ANXA4: variants seen among roughly 807,000 people sequenced by gnomAD.
ANXA4 encodes the protein 35-beta calcimedin.
In ANXA4, 39 loss-of-function variants were observed where a neutral mutation model predicts 49.8. The observed-to-expected ratio is 0.78, with a 90% CI of 0.61 to 1.02. The LOEUF is 1.02. Ranked by LOEUF, ANXA4 falls within the 50% of genes least tolerant of loss-of-function variation. The probability of loss-of-function intolerance (pLI) is 0.00; values close to 1 mark genes in which losing one functional copy is unlikely to be tolerated. For synonymous variants in ANXA4, 134 were observed against 152.5 expected (o/e 0.88, Z 0.89); for missense variants, 360 against 410.1 (o/e 0.88, Z 1.05).
At chr2:69,652,800 G>A (rs4557002) in intron 1 of ANXA4, among the ~76,000 whole-genome samples, 10,859 of 152,216 alleles carry the variant, frequency 0.071, 1,132 homozygotes, top group East Asian at 0.37. Flanking sequence ...CGGAGGTTGT[G>A]GTGAACCCAG....
chr2:69,756,342 A>G (rs1160444769), intron 1 of ANXA4, among the ~76,000 whole-genome samples: 1 of 152,244 alleles, frequency 6.6e-6, no homozygotes, highest in African/African-American at 2.4e-5. Context: ...GATGAGTCAC[A>G]TAGTCAGCTA....
In ANXA4 at chr2:69,676,178, A is replaced by G. The variant is rs138612367; in HGVS notation, n.766+22896A>G. Among the ~76,000 whole-genome samples the G allele has an allele frequency of 6.3e-3, 959 of 152,212 alleles. 21 individuals carry two copies. The highest frequency in any genetic ancestry group is 0.012 in the East Asian group (60 of 5,192). Reference sequence around the variant, plus strand: ...TGAAATGTGAAAAAATGTGAATAAGAAATATATTAATGTTAAAAACTTCTT... The same window carrying G: ...TGAAATGTGAAAAAATGTGAATAAGGAATATATTAATGTTAAAAACTTCTT... On this transcript the variant is annotated intron_variant and non_coding_transcript_variant, in intron 2 of 3. Coordinates refer to the ANXA4 transcript ENST00000418066.
At position 69,730,544 on chromosome 2, in the gene ANXA4, G is replaced by A. The variant is rs576829721; in HGVS notation, n.864+9673G>A. ...AGGAGGATAAGCAAATTTGTGAGCA[G>A]TCTCCTTCTAAGATGGGGGTTTCTG... On this transcript the variant is annotated intron_variant and non_coding_transcript_variant, in intron 3 of 3. Transcript: ENST00000418066. Among the ~76,000 whole-genome samples, 3 of 152,318 alleles carry A rather than the reference G, an allele frequency of 2.0e-5. No homozygotes were observed. In the East Asian group the frequency reaches 5.8e-4, roughly 29 times the overall value.
intron 7 of ANXA4, 50 bp downstream of exon 7, chr2:69,810,723 T>C (rs1476718417): frequency 1.4e-6 from 2 of 1,467,866 alleles, no homozygotes; most frequent in South Asian, 1.1e-5. Flanking sequence ...ATGTCCACTC[T>C]ATCCCCTTTG....
intron 5 of ANXA4, 36 bp downstream of exon 5, chr2:69,806,534 G>A: frequency 1.3e-6 from 2 of 1,539,616 alleles, no homozygotes; most frequent in Admixed American, 3.4e-5. Flanking sequence ...TGGTGCTGTT[G>A]GTGCAAACGC....
At chr2:69,816,024 T>C in intron 8 of ANXA4, 77 bp from the exon 9 acceptor site, 7 of 1,174,554 alleles carry the variant, frequency 6.0e-6, no homozygotes, top group Non-Finnish European at 8.9e-6. Context: ...CTCAGCTCTT[T>C]GAGCTTCTGG....
At chr2:69,777,823 C>T (rs891833605) in intron 1 of ANXA4, among the ~76,000 whole-genome samples, 1 of 152,184 alleles carries the variant, frequency 6.6e-6, no homozygotes, top group East Asian at 1.9e-4. Flanking sequence ...TCGCCCTGCC[C>T]AGGCCAGCTT....
intron 3 of ANXA4, among the ~76,000 whole-genome samples, chr2:69,802,869 T>C (rs534695672): frequency 6.6e-5 from 10 of 151,446 alleles, no homozygotes; most frequent in African/African-American, 2.4e-4. Context: ...AAGGGAGAAA[T>C]TGATTGTTAT....
At chr2:69,699,850 T>G (rs1678272650) in intron 2 of ANXA4, among the ~76,000 whole-genome samples, 1 of 152,148 alleles carries the variant, frequency 6.6e-6, no homozygotes, top group South Asian at 2.1e-4. Flanking sequence ...TTTCAGCACA[T>G]GCTGTGCAGG....
chr2:69,643,845 G>A, upstream of ANXA4: 6 of 1,180,462 alleles, frequency 5.1e-6, no homozygotes, highest in African/African-American at 1.6e-5. Context: ...GCGAGGGACC[G>A]GGGCCTCTCC....
At chr2:69,716,792 T>C (rs1327886916) in intron 2 of ANXA4, among the ~76,000 whole-genome samples, 1 of 152,168 alleles carries the variant, frequency 6.6e-6, no homozygotes, top group Non-Finnish European at 1.5e-5. Flanking sequence ...AGAGTTGTGT[T>C]TTGTTCATGT....
chr2:69,667,645 G>A (rs186640897), intron 2 of ANXA4, among the ~76,000 whole-genome samples: 187 of 152,112 alleles, frequency 1.2e-3, no homozygotes, highest in African/African-American at 4.3e-3. Flanking sequence ...TGTCTCTTTT[G>A]TCCTTTTCTT....
At chr2:69,739,387 T>A (rs1235499781), upstream of ANXA4, among the ~76,000 whole-genome samples, 2 of 151,906 alleles carry the variant, frequency 1.3e-5, no homozygotes, top group African/African-American at 4.8e-5. Flanking sequence ...GATTTTTAAT[T>A]TTTTTTTATT....
intron 1 of ANXA4, among the ~76,000 whole-genome samples, chr2:69,765,469 A>G (rs142623483): frequency 1.2e-3 from 188 of 152,242 alleles, no homozygotes; most frequent in Non-Finnish European, 1.9e-3. Context: ...GCAGATGTAT[A>G]TATCCGGGTA....
At chr2:69,788,245 T>A in intron 3 of ANXA4, 104 bp downstream of exon 3, 1 of 1,044,382 alleles carries the variant, frequency 9.6e-7, no homozygotes, top group Non-Finnish European at 1.4e-6. Flanking sequence ...CTTCCTTTAA[T>A]AAAACACAAG....
intron 1 of ANXA4, among the ~76,000 whole-genome samples, chr2:69,769,020 A>G (rs945711281): frequency 6.6e-6 from 1 of 152,246 alleles, no homozygotes; most frequent in Non-Finnish European, 1.5e-5. Flanking sequence ...GGTCACTCAG[A>G]AAATAAAAAT....
At chr2:69,750,552 A>G (rs1434773730) in intron 1 of ANXA4, among the ~76,000 whole-genome samples, 5 of 152,180 alleles carry the variant, frequency 3.3e-5, no homozygotes. Flanking sequence ...GGCTGGAACT[A>G]TAGGCACGCG....
chr2:69,652,094 C>T (rs1392475386), intron 1 of ANXA4, among the ~76,000 whole-genome samples: 3 of 152,268 alleles, frequency 2.0e-5, no homozygotes, highest in Non-Finnish European at 4.4e-5. Flanking sequence ...CTCCCTGCAA[C>T]CTCTGCCTCC....
chr2:69,711,883 G>A (rs576383488), intron 2 of ANXA4, among the ~76,000 whole-genome samples: 1 of 151,790 alleles, frequency 6.6e-6, no homozygotes, highest in South Asian at 2.1e-4. Context: ...GGCACAGAGA[G>A]AGAAAAGAGA....
Sources: allele counts gnomAD v4.1 joint callset (sites outside exome capture counted in the v4.1 genomes callset), GRCh38; gene constraint gnomAD v4.1.1; transcripts MANE v1.5; gene names NCBI Gene and HGNC (gene_info 2026-07-23, HGNC 2026-07-21).